The following MYL1 variants were observed in gnomAD, a reference collection of about 807,000 sequenced individuals.
MYL1 encodes the protein myosin light chain 1/3, skeletal muscle isoform.
MYL1 carries 16 observed loss-of-function variants against 21.8 expected under a neutral mutation model. The observed-to-expected ratio is 0.74, with a 90% CI of 0.50 to 1.12. The LOEUF (loss-of-function observed/expected upper bound fraction) is 1.12, where lower values mean the gene tolerates loss of function less well. Ranked by LOEUF, MYL1 falls within the 50% of genes most tolerant of loss-of-function variation. The probability of loss-of-function intolerance (pLI) is 0.00; values close to 1 mark genes in which losing one functional copy is unlikely to be tolerated. For missense variants in MYL1, 246 were observed against 241.0 expected (o/e 1.02, Z -0.14); for synonymous variants, 99 against 85.2 (o/e 1.16, Z -0.89).
At chr2:210,314,814 A>C (rs1240847586) in intron 1 of MYL1, 97 bp downstream of exon 1, 1 of 1,323,344 alleles carries the variant, frequency 7.6e-7, no homozygotes, top group African/African-American at 1.5e-5. Context: ...AAATAATGCT[A>C]TTCCTCTCAA....
At chr2:210,294,588 G>A (rs1350732418) in intron 3 of MYL1, among the ~76,000 whole-genome samples, 170 bp from the exon 4 acceptor site, 2 of 152,144 alleles carry the variant, frequency 1.3e-5, no homozygotes, top group East Asian at 3.9e-4. Flanking sequence ...AATGGCATGA[G>A]GTCTGGAATT....
At chr2:210,297,636 A>G (rs76631566) in intron 3 of MYL1, among the ~76,000 whole-genome samples, 3,667 of 151,844 alleles carry the variant, frequency 0.024, 59 homozygotes, top group Non-Finnish European at 0.039. Context: ...CCATTAGACT[A>G]TTATACTTTT....
At chr2:210,313,030 G>A (rs1690439931) in intron 1 of MYL1, among the ~76,000 whole-genome samples, 1 of 151,768 alleles carries the variant, frequency 6.6e-6, no homozygotes, top group South Asian at 2.1e-4. Flanking sequence ...TCTGAAAAGT[G>A]TTGCTTCTCT....
chr2:210,291,636 TTAA>T (rs1241702066), intron 5 of MYL1, among the ~76,000 whole-genome samples: 3 of 152,222 alleles, frequency 2.0e-5, no homozygotes, highest in African/African-American at 7.2e-5. Flanking sequence ...CTTTTTTCAA[TTAA>T]TAATTTATCT....
intron 1 of MYL1, 131 bp downstream of exon 1, chr2:210,314,777 CTCT>C: frequency 9.9e-7 from 1 of 1,005,372 alleles, no homozygotes; most frequent in South Asian, 1.6e-5. Context: ...AAGCAGGATT[CTCT>C]TCTTCATAAT....
chr2:210,293,851 A>G, intron 4 of MYL1, 51 bp from the exon 5 acceptor site: 1 of 1,532,426 alleles, frequency 6.5e-7, no homozygotes, highest in East Asian at 2.3e-5. Context: ...GTTATTTTCA[A>G]AATCCACCAT....
intron 3 of MYL1, among the ~76,000 whole-genome samples, chr2:210,295,999 T>C (rs774192282): frequency 6.6e-6 from 1 of 152,126 alleles, no homozygotes; most frequent in Non-Finnish European, 1.5e-5. Flanking sequence ...AGTTTTCTTC[T>C]AACAAAGGAA....
chr2:210,310,521 A>T (rs1248791397), intron 1 of MYL1, among the ~76,000 whole-genome samples: 1 of 152,080 alleles, frequency 6.6e-6, no homozygotes. Context: ...TACTAAAAAA[A>T]CTCAGTTTCA....
At chr2:210,311,604 A>G (rs1690420964) in intron 1 of MYL1, among the ~76,000 whole-genome samples, 1 of 152,086 alleles carries the variant, frequency 6.6e-6, no homozygotes, top group South Asian at 2.1e-4. Context: ...CAATACTGAC[A>G]TATAATGCAT....
intron 2 of MYL1, 71 bp downstream of exon 2, chr2:210,302,417 A>C: frequency 6.9e-7 from 1 of 1,440,450 alleles, no homozygotes; most frequent in African/African-American, 1.4e-5. Context: ...AACTCATCCC[A>C]AGGGAGTTGG....
At chr2:210,291,467 A>G (rs1432744688) in intron 5 of MYL1, among the ~76,000 whole-genome samples, 1 of 152,176 alleles carries the variant, frequency 6.6e-6, no homozygotes, top group Non-Finnish European at 1.5e-5. Context: ...AAGGGTATAT[A>G]ACAACAAAAT....
At chr2:210,309,564 C>A (rs1410696415) in intron 1 of MYL1, among the ~76,000 whole-genome samples, 2 of 151,978 alleles carry the variant, frequency 1.3e-5, no homozygotes, top group Non-Finnish European at 2.9e-5. Flanking sequence ...CCTTCAAATT[C>A]TGCTTTGAGG....
chr2:210,294,328 A>G lies in MYL1; in HGVS notation c.395T>C (p.Phe132Ser), dbSNP rs948870360. 5.6e-6 allele frequency: 9 copies of G among 1,614,002 alleles called. No individual in the cohort carries two copies. The highest frequency in any genetic ancestry group is 7.6e-6 in the Non-Finnish European group (9 of 1,179,958). The change falls in exon 4 of 7, where the codon TTT becomes TCT. Residue 132 changes from phenylalanine to serine, a missense_variant. Phe to Ser is a radical substitution (Grantham distance 155, BLOSUM62 -2). Transcript: ENST00000352451. ...NNKDQATYED[F>S]VEGLRVFDKE... ...GTCAAAGACACGCAGACCCTCAACA[A>G]AGTCTTCATAGGTGGCCTGGTCCTT...
intron 1 of MYL1, among the ~76,000 whole-genome samples, chr2:210,314,170 G>C (rs915030064): frequency 6.6e-6 from 1 of 152,104 alleles, no homozygotes; most frequent in Admixed American, 6.5e-5. Flanking sequence ...CTTAGTCCAA[G>C]ATCAGTAGGC....
chr2:210,313,703 T>A (rs2125745583), intron 1 of MYL1, among the ~76,000 whole-genome samples: 1 of 152,172 alleles, frequency 6.6e-6, no homozygotes, highest in East Asian at 1.9e-4. Flanking sequence ...CATGTTTAAT[T>A]GGAATGTTAT....
chr2:210,291,089 T>C lies in MYL1; in HGVS notation c.557-15A>G, dbSNP rs1419498487. On this transcript the variant is annotated splice_polypyrimidine_tract_variant and intron_variant, in intron 5 of 6. Coordinates refer to ENST00000352451, the MANE Select transcript of MYL1 (RefSeq NM_079420.3). ...CTTGACAAAAGCTGTAGGAGCAAAATAGACAAAATAGACAATTTAGAGTTA... is the reference window on the plus strand; with the variant it reads ...CTTGACAAAAGCTGTAGGAGCAAAACAGACAAAATAGACAATTTAGAGTTA... The C allele has an allele frequency of 6.2e-7, 1 of 1,601,088 alleles. No individual in the cohort carries two copies. Among genetic ancestry groups the C allele is most frequent in the Admixed American group, 1.7e-5 (1 of 59,572 alleles).
intron 3 of MYL1, among the ~76,000 whole-genome samples, chr2:210,296,728 A>G (rs1690179386): frequency 6.6e-6 from 1 of 151,966 alleles, no homozygotes; most frequent in South Asian, 2.1e-4. Context: ...AGAACCCTGG[A>G]ATTTATTCAT....
At chr2:210,307,590 G>A (rs887816255) in intron 1 of MYL1, among the ~76,000 whole-genome samples, 1 of 151,892 alleles carries the variant, frequency 6.6e-6, no homozygotes, top group East Asian at 1.9e-4. Context: ...TCTTTTTAAG[G>A]CTCTTTTATA....
At chr2:210,297,833 G>A (rs1235638634) in intron 3 of MYL1, among the ~76,000 whole-genome samples, 3 of 151,580 alleles carry the variant, frequency 2.0e-5, no homozygotes, top group African/African-American at 4.8e-5. Context: ...TGTGTCAAAG[G>A]ACAGAGCACA....
Sources: gnomAD v4.1 joint callset for allele counts (sites outside exome capture counted in the v4.1 genomes callset) on GRCh38, gnomAD v4.1.1 for gene constraint, MANE v1.5 for transcripts, NCBI Gene and HGNC (gene_info 2026-07-23, HGNC 2026-07-21) for gene names.